Variants in SMYD4 observed in about 807,000 individuals in gnomAD.
SMYD4 encodes the protein protein-lysine N-methyltransferase SMYD4.
Under a neutral mutation model 72.8 loss-of-function variants are expected in SMYD4, and 68 were observed. That is an observed-to-expected ratio of 0.93 (90% confidence interval 0.77 to 1.14). The LOEUF is 1.14. Ranked by LOEUF, SMYD4 falls within the 50% of genes most tolerant of loss-of-function variation. The pLI, the probability that SMYD4 is intolerant of heterozygous loss-of-function variation, is 0.00. For synonymous variants in SMYD4, 407 were observed against 388.6 expected, an observed-to-expected ratio of 1.05 and a Z score of -0.56; for missense variants, 984 against 1,003.7, an observed-to-expected ratio of 0.98 and a Z score of 0.27.
intron 2 of SMYD4, among the ~76,000 whole-genome samples, chr17:1,817,795 C>T (rs1359240436): frequency 6.6e-6 from 1 of 151,948 alleles, no homozygotes; most frequent in Admixed American, 6.6e-5. Flanking sequence ...TGGATCACGC[C>T]CCAGAACTTT....
chr17:1,804,088 G>A (rs1397730590), intron 4 of SMYD4, among the ~76,000 whole-genome samples: 1 of 151,342 alleles, frequency 6.6e-6, no homozygotes, highest in Admixed American at 6.6e-5. Flanking sequence ...TTTTGGCCAG[G>A]ATGGTCTTGA....
At chr17:1,807,377 T>C (rs1368222148) in intron 3 of SMYD4, among the ~76,000 whole-genome samples, 5 of 151,092 alleles carry the variant, frequency 3.3e-5, no homozygotes, top group Non-Finnish European at 7.4e-5. Context: ...CAGGCTGGAG[T>C]GAAGTGGCGT....
chr17:1,828,599 C>CTTTTTTTTTTTTT (rs374636473), intron 1 of SMYD4, among the ~76,000 whole-genome samples: 1 of 121,794 alleles, frequency 8.2e-6, no homozygotes, highest in African/African-American at 3.5e-5. Flanking sequence ...CTTAGATCCT[C>CTTTTTTTTTTTTT]TTTTTTTTTT....
intron 5 of SMYD4, among the ~76,000 whole-genome samples, chr17:1,795,974 T>C (rs529621074): frequency 6.6e-6 from 1 of 152,212 alleles, no homozygotes; most frequent in African/African-American, 2.4e-5. Flanking sequence ...TCTATGTATA[T>C]ATTTTTAAAA....
chr17:1,829,881 G>C lies in SMYD4; in HGVS notation c.-168C>G, dbSNP rs572886155. 5 of 398,478 alleles carry C rather than the reference G, an allele frequency of 1.3e-5. No homozygotes were observed. In the East Asian group the frequency reaches 2.1e-4, roughly 17 times the overall value. The allele number at this position is 398,478 out of a possible 1,614,324, so 24.7% of individuals were successfully genotyped here. The stretch of plus-strand genomic sequence containing the variant: ...GCACCGCGTCCGGCGTCCCGCGCCA[G>C]GCCTCGCTTGGGACCATGGGTGGGT... On this transcript the variant is annotated 5_prime_UTR_variant, in exon 1 of 11. Transcript: ENST00000305513.
At position 1,803,074 on chromosome 17, in the gene SMYD4, G is replaced by A. The variant is rs764361911; in HGVS notation, c.369+1552C>T. ...AGGAGAATCGTTGAACCCGGGAGGC[G>A]GAGGTTGCAGTGAGCAGAGATCACG... On this transcript the variant is annotated intron_variant, in intron 4 of 10. Coordinates refer to ENST00000305513, the MANE Select transcript of SMYD4 (RefSeq NM_052928.3). Among the ~76,000 whole-genome samples, 71 of 152,286 alleles carry A rather than the reference G, an allele frequency of 4.7e-4. 1 individual carries two copies. The highest frequency in any genetic ancestry group is 1.4e-3 in the African/African-American group (60 of 41,548).
At chr17:1,826,574 C>T (rs117054045) in intron 2 of SMYD4, among the ~76,000 whole-genome samples, 230 of 151,298 alleles carry the variant, frequency 1.5e-3, no homozygotes, top group Middle Eastern at 6.8e-3. Flanking sequence ...CTAACTGTAC[C>T]GAGTATCTGA....
rs1469455925 is a variant in SMYD4, at chr17:1,828,011, A to G, written c.-12-5T>C. 6.3e-7 allele frequency: 1 copy of G among 1,596,392 alleles called. No individual in the cohort carries two copies. Reference sequence around the variant, plus strand: ...CAGATCCATGCTGCTTTTGATCTATAAAATGAGTAAGAAAATAGGAATCTT... The same window carrying G: ...CAGATCCATGCTGCTTTTGATCTATGAAATGAGTAAGAAAATAGGAATCTT... On this transcript the variant is annotated splice_region_variant and splice_polypyrimidine_tract_variant and intron_variant, in intron 1 of 10. Coordinates refer to ENST00000305513, the MANE Select transcript of SMYD4 (RefSeq NM_052928.3).
intron 3 of SMYD4, among the ~76,000 whole-genome samples, chr17:1,807,773 G>T (rs898124421): frequency 6.6e-6 from 1 of 152,146 alleles, no homozygotes; most frequent in African/African-American, 2.4e-5. Context: ...GTAAAAACAC[G>T]GTGTGTGTGC....
Position 1,812,680 on chromosome 17 carries a change from G to A in SMYD4, c.135-565C>T, listed in dbSNP as rs991318430. ...TCTCCTGCCTCAGCCTCCTGAATAG[G>A]TGGGATTACAGGCGCCCATCACCAG... On this transcript the variant is annotated intron_variant, in intron 2 of 10. Coordinates refer to ENST00000305513, the MANE Select transcript of SMYD4 (RefSeq NM_052928.3). 4.7e-5 allele frequency among the ~76,000 whole-genome samples: 7 copies of A among 147,640 alleles called. No individual in the cohort carries two copies. The Admixed American group carries it at 4.8e-4, about 10-fold the overall frequency.
intron 3 of SMYD4, among the ~76,000 whole-genome samples, chr17:1,807,420 C>CG (rs199964858): frequency 6.6e-6 from 1 of 151,576 alleles, no homozygotes; most frequent in Non-Finnish European, 1.5e-5. Flanking sequence ...CGCGTACCGC[C>CG]CCCCCCGGCC....
At chr17:1,811,902 G>A in intron 3 of SMYD4, 69 bp downstream of exon 3, 3 of 1,554,726 alleles carry the variant, frequency 1.9e-6, no homozygotes, top group Non-Finnish European at 2.6e-6. Context: ...ACTCCAGCCT[G>A]GGTAACACAG....
At chr17:1,823,071 T>TA (rs953190353) in intron 2 of SMYD4, among the ~76,000 whole-genome samples, 1 of 151,950 alleles carries the variant, frequency 6.6e-6, no homozygotes, top group Non-Finnish European at 1.5e-5. Context: ...CAACATTTTT[T>TA]ATAGAACTTG....
Position 1,781,325 on chromosome 17 carries a change from C to T in SMYD4, c.2376G>A (p.Leu792=). 1.2e-6 allele frequency: 2 copies of T among 1,613,894 alleles called. No individual in the cohort carries two copies. Among genetic ancestry groups the T allele is most frequent in the Non-Finnish European group, 1.7e-6 (2 of 1,180,038 alleles). Residue 792 remains leucine, a synonymous_variant, in exon 11 of 11, where the codon TTG becomes TTA. Transcript: ENST00000305513. Reference sequence around the variant, plus strand: ...CTACAGGGGTGGGTGGTAAGTCCAACAAACAGGATTTCATCTTCTGGAGCT... The same window carrying T: ...CTACAGGGGTGGGTGGTAAGTCCAATAAACAGGATTTCATCTTCTGGAGCT... ...IQELQKMKSC[L]LDLPPTPVGP...
intron 3 of SMYD4, among the ~76,000 whole-genome samples, chr17:1,808,690 T>C (rs762057412): frequency 1.3e-5 from 2 of 152,234 alleles, no homozygotes; most frequent in Non-Finnish European, 2.9e-5. Flanking sequence ...ACCTTAATTT[T>C]TTCTCTGGCT....
intron 5 of SMYD4, among the ~76,000 whole-genome samples, chr17:1,788,220 T>C (rs549294834): frequency 6.5e-4 from 98 of 151,656 alleles, no homozygotes; most frequent in African/African-American, 2.2e-3. Context: ...GCTGTGGTGG[T>C]GCACACCTGT....
chr17:1,809,931 G>A (rs2151243769), intron 3 of SMYD4, among the ~76,000 whole-genome samples: 1 of 152,254 alleles, frequency 6.6e-6, no homozygotes, highest in East Asian at 1.9e-4. Context: ...AAAATGCTGG[G>A]ATTACAGGTG....
rs1258924019 is a variant in SMYD4, at chr17:1,800,736, C to A, written c.658G>T (p.Ala220Ser). 6.2e-7 allele frequency: 1 copy of A among 1,614,216 alleles called. No individual in the cohort carries two copies. Residue 220 changes from alanine to serine, a missense_variant, in exon 5 of 11, where the codon GCG (alanine) becomes TCG (serine). Physicochemically the swap from Ala to Ser is moderately conservative, Grantham distance 99. Coordinates refer to ENST00000305513, the MANE Select transcript of SMYD4 (RefSeq NM_052928.3). ...AGTTGTTCATTCTCCTCCCTCAGCG[C>A]TGCATCCTCAAGGGTTTTGGCCAGA... ...AALAKTLEDA[A>S]LREENEQLSN...
chr17:1,783,682 G>A, intron 8 of SMYD4: 1 of 819,418 alleles, frequency 1.2e-6, no homozygotes, highest in Non-Finnish European at 1.9e-6. Flanking sequence ...GGCGCTAGGG[G>A]AGGCCTCCCC....
Sources: gnomAD v4.1 joint callset for allele counts (sites outside exome capture counted in the v4.1 genomes callset) on GRCh38, gnomAD v4.1.1 for gene constraint, MANE v1.5 for transcripts, NCBI Gene and HGNC (gene_info 2026-07-23, HGNC 2026-07-21) for gene names.